Variants in TPRG1 observed in about 807,000 individuals in gnomAD.
TPRG1 encodes tumor protein p63-regulated gene 1 protein.
A neutral mutation model predicts 29.3 loss-of-function variants in TPRG1; 29 were observed. The observed-to-expected ratio is 0.99, with a 90% CI of 0.74 to 1.35. The LOEUF is 1.35. TPRG1 is among the 40% of genes most tolerant of loss of function. The probability of loss-of-function intolerance (pLI) is 0.00; values close to 1 mark genes in which losing one functional copy is unlikely to be tolerated. For missense variants in TPRG1, 327 were observed against 335.0 expected (o/e 0.98, Z 0.19); for synonymous variants, 130 against 116.8 (o/e 1.11, Z -0.73).
chr3:189,056,588 A>G (rs1715713149), intron 4 of TPRG1, among the ~76,000 whole-genome samples: 1 of 152,192 alleles, frequency 6.6e-6, no homozygotes, highest in Non-Finnish European at 1.5e-5. Context: ...AATCATAATT[A>G]TTTATACTCA....
At chr3:189,304,259 G>A (rs76193079) in intron 4 of TPRG1, among the ~76,000 whole-genome samples, 3,369 of 152,104 alleles carry the variant, frequency 0.022, 136 homozygotes, top group African/African-American at 0.077. Flanking sequence ...CCCGGAGCCC[G>A]GAGAAGTAAA....
At chr3:189,292,337 T>C (rs1161217404) in intron 4 of TPRG1, among the ~76,000 whole-genome samples, 1 of 152,084 alleles carries the variant, frequency 6.6e-6, no homozygotes, top group East Asian at 1.9e-4. Context: ...CCTGTTTTTT[T>C]TCCCTCCCAT....
intron 4 of TPRG1, among the ~76,000 whole-genome samples, chr3:189,052,521 A>G (rs1305428427): frequency 1.3e-5 from 2 of 152,220 alleles, no homozygotes; most frequent in Admixed American, 1.3e-4. Context: ...GCCACTATGG[A>G]AAACAGTGTG....
chr3:189,323,137 A>G lies in TPRG1; in HGVS notation c.*2317A>G, dbSNP rs1724458560. ...TGCTTCTTTAAACAGTGAGCCCACC[A>G]TCACTTGGTATGTTCAAGGAAAGAC... is the stretch of plus-strand genomic sequence containing the variant. On this transcript the variant is annotated 3_prime_UTR_variant, in exon 6 of 6. Coordinates refer to ENST00000345063, the MANE Select transcript of TPRG1 (RefSeq NM_198485.4). 6.6e-6 allele frequency: 1 copy of G among 152,140 alleles called. No individual in the cohort carries two copies. Among genetic ancestry groups the G allele is most frequent in the African/African-American group, 2.4e-5 (1 of 41,446 alleles). The allele number at this position is 152,140 out of a possible 1,614,324, so 9.4% of individuals were successfully genotyped here.
At chr3:189,318,018 A>C (rs1723825311) in intron 5 of TPRG1, among the ~76,000 whole-genome samples, 2 of 152,158 alleles carry the variant, frequency 1.3e-5, no homozygotes, top group South Asian at 4.1e-4. Flanking sequence ...GGATAATTCC[A>C]GGAAAAAATA....
At chr3:189,161,614 T>C (rs1001736793) in intron 5 of TPRG1, among the ~76,000 whole-genome samples, 1 of 152,206 alleles carries the variant, frequency 6.6e-6, no homozygotes, top group Non-Finnish European at 1.5e-5. Context: ...GCCCACACCT[T>C]TATCCATTTT....
At position 189,185,554 on chromosome 3, in the gene TPRG1, G is replaced by A. The variant is rs75371093; in HGVS notation, c.-10+13423G>A. On this transcript the variant is annotated intron_variant, in intron 1 of 5. Transcript: ENST00000345063. ...CTCAGTTATTTGAAACAATATTTAC[G>A]ACATTTTTTTTTCCTGTCAGTCCTA... Among the ~76,000 whole-genome samples the A allele has an allele frequency of 5.8e-3, 884 of 151,754 alleles. 10 individuals are homozygous for A. Among genetic ancestry groups the A allele is most frequent in the African/African-American group, 0.019 (776 of 41,496 alleles).
rs114326585 is a variant in TPRG1 at position 189,202,334 on chromosome 3, T to C, written c.-9-5042T>C. ...ACCGGGGGTAGGCTAGCTCTGACAG[T>C]CTAGGATGGAGCATCAGAATGAAAC... is the stretch of plus-strand genomic sequence containing the variant. On this transcript the variant is annotated intron_variant, in intron 1 of 5. Transcript: ENST00000345063. Among the ~76,000 whole-genome samples the C allele has an allele frequency of 6.0e-3, 909 of 152,150 alleles. 10 individuals carry two copies. The highest frequency in any genetic ancestry group is 0.019 in the African/African-American group (800 of 41,498).
At chr3:189,233,164 GTA>G (rs1385311129) in intron 3 of TPRG1, among the ~76,000 whole-genome samples, 12 of 107,100 alleles carry the variant, frequency 1.1e-4, no homozygotes, top group South Asian at 6.7e-4. Context: ...TACTGAGTGT[GTA>G]TGTGTGTGTG....
At chr3:189,055,068 G>A (rs1487243970) in intron 4 of TPRG1, among the ~76,000 whole-genome samples, 1 of 152,164 alleles carries the variant, frequency 6.6e-6, no homozygotes, top group Non-Finnish European at 1.5e-5. Flanking sequence ...TGAATAAAAT[G>A]CTACCTAGTA....
intron 3 of TPRG1, among the ~76,000 whole-genome samples, chr3:189,226,227 C>T (rs567602904): frequency 2.0e-5 from 3 of 152,312 alleles, no homozygotes; most frequent in East Asian, 3.9e-4. Context: ...ACATTACATA[C>T]GGATGCTGAT....
chr3:189,047,736 A>T (rs1225054418), intron 4 of TPRG1, among the ~76,000 whole-genome samples: 1 of 152,180 alleles, frequency 6.6e-6, no homozygotes, highest in Non-Finnish European at 1.5e-5. Context: ...TGTTCACATC[A>T]TTTTACCAGG....
chr3:189,074,117 G>C (rs1716970098), intron 4 of TPRG1, among the ~76,000 whole-genome samples: 1 of 150,568 alleles, frequency 6.6e-6, no homozygotes, highest in African/African-American at 2.4e-5. Context: ...AAGATGGGCT[G>C]CTGTATAGAT....
At chr3:189,317,031 C>T (rs1170324992) in intron 5 of TPRG1, among the ~76,000 whole-genome samples, 3 of 152,110 alleles carry the variant, frequency 2.0e-5, no homozygotes, top group African/African-American at 7.2e-5. Flanking sequence ...CATCTGACTC[C>T]AATGAAATGC....
At chr3:189,032,604 T>A (rs183920876) in intron 4 of TPRG1, among the ~76,000 whole-genome samples, 32 of 151,480 alleles carry the variant, frequency 2.1e-4, no homozygotes, top group South Asian at 4.2e-4. Context: ...TCTTTTTTTT[T>A]ATTATTATTA....
intron 5 of TPRG1, among the ~76,000 whole-genome samples, chr3:189,154,599 G>A (rs1309001298): frequency 2.0e-5 from 3 of 151,806 alleles, no homozygotes; most frequent in Non-Finnish European, 2.9e-5. Flanking sequence ...CCACCACCAC[G>A]CCTGGCTAAT....
At chr3:189,203,734 A>G (rs554672071) in intron 1 of TPRG1, among the ~76,000 whole-genome samples, 124 of 152,310 alleles carry the variant, frequency 8.1e-4, no homozygotes, top group Non-Finnish European at 1.3e-3. Flanking sequence ...TGGAATGAGA[A>G]GATTCCATGA....
At chr3:188,997,696 T>A (rs1711878726) in intron 1 of TPRG1, among the ~76,000 whole-genome samples, 1 of 152,174 alleles carries the variant, frequency 6.6e-6, no homozygotes. Context: ...ACCTCTCAGG[T>A]TCCTGAAACA....
chr3:189,282,009 T>C (rs1717225703), intron 4 of TPRG1, among the ~76,000 whole-genome samples: 1 of 151,968 alleles, frequency 6.6e-6, no homozygotes, highest in African/African-American at 2.4e-5. Context: ...GCTTCCTGAG[T>C]AGCTGGGACT....
Sources: gnomAD v4.1 joint callset for allele counts (sites outside exome capture counted in the v4.1 genomes callset) on GRCh38, gnomAD v4.1.1 for gene constraint, MANE v1.5 for transcripts, NCBI Gene and HGNC (gene_info 2026-07-23, HGNC 2026-07-21) for gene names.